Variants in IQCM observed in about 807,000 individuals in gnomAD.
The protein encoded by IQCM is IQ domain-containing protein M.
IQCM carries 45 observed loss-of-function variants against 57.6 expected under a neutral mutation model. That is an observed-to-expected ratio of 0.78 (90% confidence interval 0.62 to 1.00). IQCM has a LOEUF of 1.00. Ranked by LOEUF, IQCM falls within the 50% of genes least tolerant of loss-of-function variation. The probability of loss-of-function intolerance (pLI) is 0.00; values close to 1 mark genes in which losing one functional copy is unlikely to be tolerated. For missense variants in IQCM, 468 were observed against 511.6 expected (o/e 0.91, Z 0.82); for synonymous variants, 148 against 158.9 (o/e 0.93, Z 0.51).
At chr4:149,598,726 A>G (rs1754000414) in intron 8 of IQCM, among the ~76,000 whole-genome samples, 1 of 152,344 alleles carries the variant, frequency 6.6e-6, no homozygotes, top group East Asian at 1.9e-4. Context: ...GGCAAAGGTT[A>G]AAACTTTGAC....
At chr4:149,414,498 G>T (rs1733606938) in intron 13 of IQCM, among the ~76,000 whole-genome samples, 2 of 152,138 alleles carry the variant, frequency 1.3e-5, no homozygotes, top group African/African-American at 2.4e-5. Context: ...ATGTGAACCT[G>T]AGAGAGTGCA....
In IQCM at chr4:149,789,208, T is replaced by C. The variant is rs557953527; in HGVS notation, c.-49+26103A>G. Among the ~76,000 whole-genome samples, 3 of 152,342 alleles carry C rather than the reference T, an allele frequency of 2.0e-5. No homozygotes were observed. In the South Asian group the frequency reaches 6.2e-4, roughly 32 times the overall value. On this transcript the variant is annotated intron_variant, in intron 2 of 13. Transcript: ENST00000636793. ...TACTCAGAGTGATGGATACCCTAAA[T>C]ACTCTGACTTGACCATTAGGTATTC...
At chr4:149,699,301 C>A (rs1763578152) in intron 5 of IQCM, among the ~76,000 whole-genome samples, 1 of 151,984 alleles carries the variant, frequency 6.6e-6, no homozygotes, top group Non-Finnish European at 1.5e-5. Context: ...AGTATACACT[C>A]TTCCCCAAAA....
At chr4:149,645,396 T>A (rs1758548232) in intron 7 of IQCM, among the ~76,000 whole-genome samples, 4 of 152,184 alleles carry the variant, frequency 2.6e-5, no homozygotes. Flanking sequence ...GTTAAAAGAT[T>A]CACATTTTTA....
At chr4:149,649,931 G>A (rs1039743798) in intron 7 of IQCM, among the ~76,000 whole-genome samples, 1 of 152,128 alleles carries the variant, frequency 6.6e-6, no homozygotes, top group African/African-American at 2.4e-5. Context: ...TTATCATAAA[G>A]AGAACAATGT....
At chr4:149,583,826 C>A (rs542153293) in intron 9 of IQCM, among the ~76,000 whole-genome samples, 1 of 151,410 alleles carries the variant, frequency 6.6e-6, no homozygotes, top group Non-Finnish European at 1.5e-5. Flanking sequence ...ACTCTCAATG[C>A]ATTACTTCCC....
chr4:149,410,869 T>C (rs944263886), intron 13 of IQCM, among the ~76,000 whole-genome samples: 1 of 152,168 alleles, frequency 6.6e-6, no homozygotes, highest in Non-Finnish European at 1.5e-5. Flanking sequence ...ATAGATGTTA[T>C]TGATTGATTT....
intron 2 of IQCM, among the ~76,000 whole-genome samples, chr4:149,758,255 A>G (rs1769174391): frequency 6.6e-6 from 1 of 152,198 alleles, no homozygotes; most frequent in South Asian, 2.1e-4. Flanking sequence ...AACAAATGGT[A>G]TGGAACAACT....
At chr4:149,377,764 C>T (rs530615306) in intron 13 of IQCM, among the ~76,000 whole-genome samples, 63 of 152,216 alleles carry the variant, frequency 4.1e-4, no homozygotes, top group South Asian at 2.9e-3. Flanking sequence ...CAGAGACATG[C>T]GGGTAGCTTG....
chr4:149,790,345 A>G, intron 2 of IQCM: 1 of 202,778 alleles, frequency 4.9e-6, no homozygotes, highest in Non-Finnish European at 1.1e-5. Flanking sequence ...TTCCTTGTTG[A>G]GTTGTTGCAA....
intron 5 of IQCM, among the ~76,000 whole-genome samples, chr4:149,718,706 A>T (rs1354401649): frequency 2.6e-5 from 4 of 152,176 alleles, no homozygotes; most frequent in Admixed American, 2.6e-4. Flanking sequence ...CTCTAGGGAC[A>T]AATCCATCCC....
At chr4:149,433,662 G>A (rs1735077554) in intron 12 of IQCM, 105 bp from the exon 13 acceptor site, 1 of 423,722 alleles carries the variant, frequency 2.4e-6, no homozygotes, top group Admixed American at 4.5e-5. Context: ...GGATACAACA[G>A]GTCACACTGA....
intron 12 of IQCM, among the ~76,000 whole-genome samples, chr4:149,500,843 G>A (rs552303592): frequency 3.5e-4 from 54 of 152,134 alleles, no homozygotes; most frequent in East Asian, 1.2e-3. Flanking sequence ...AGACAATTTC[G>A]TTAAAATATT....
chr4:149,731,753 G>A (rs1766479564), intron 5 of IQCM, among the ~76,000 whole-genome samples: 1 of 152,150 alleles, frequency 6.6e-6, no homozygotes, highest in East Asian at 1.9e-4. Flanking sequence ...CAAATGAACT[G>A]GGGGTAGCAA....
chr4:149,547,577 C>T (rs1326382295), intron 12 of IQCM, among the ~76,000 whole-genome samples: 1 of 152,108 alleles, frequency 6.6e-6, no homozygotes, highest in East Asian at 1.9e-4. Flanking sequence ...ATCTAATGTA[C>T]AGCATGGTGA....
intron 5 of IQCM, among the ~76,000 whole-genome samples, chr4:149,698,197 C>T (rs1763483101): frequency 6.6e-6 from 1 of 151,786 alleles, no homozygotes. Context: ...ATTGACTATT[C>T]TTTTTAGCCA....
At chr4:149,458,040 A>G (rs1366424428) in intron 12 of IQCM, among the ~76,000 whole-genome samples, 1 of 151,988 alleles carries the variant, frequency 6.6e-6, no homozygotes, top group African/African-American at 2.4e-5. Flanking sequence ...AAAATAGAGT[A>G]GGGAGGTAGA....
At chr4:149,386,712 T>C (rs915662175) in intron 13 of IQCM, among the ~76,000 whole-genome samples, 1 of 152,004 alleles carries the variant, frequency 6.6e-6, no homozygotes, top group South Asian at 2.1e-4. Flanking sequence ...TCTGAACTAT[T>C]CCTTTGTCAG....
chr4:149,355,420 C>A (rs71618318), intron 13 of IQCM, among the ~76,000 whole-genome samples: 34 of 135,414 alleles, frequency 2.5e-4, no homozygotes, highest in African/African-American at 8.4e-4. Flanking sequence ...CAGGCCCCAG[C>A]GTGTGATGTT....
Sources: gnomAD v4.1 joint callset for allele counts (sites outside exome capture counted in the v4.1 genomes callset) on GRCh38, gnomAD v4.1.1 for gene constraint, MANE v1.5 for transcripts, NCBI Gene and HGNC (gene_info 2026-07-23, HGNC 2026-07-21) for gene names.